The following EYA2 variants were observed in gnomAD, a reference collection of about 807,000 sequenced individuals.
The protein encoded by EYA2 is EYA transcriptional coactivator and phosphatase 2.
A neutral mutation model predicts 69.2 loss-of-function variants in EYA2; 31 were observed. The ratio of observed to expected loss-of-function variants is 0.45; its 90% CI spans 0.34 to 0.60. The LOEUF is 0.60. EYA2 is among the 20% of genes least tolerant of loss of function. EYA2 has a pLI of 0.02. For missense variants in EYA2, 622 were observed against 701.2 expected (o/e 0.89, Z 1.28); for synonymous variants, 257 against 279.4 (o/e 0.92, Z 0.80).
intron 1 of EYA2, among the ~76,000 whole-genome samples, chr20:46,957,152 T>C (rs988618730): frequency 1.5e-4 from 23 of 152,244 alleles, no homozygotes; most frequent in Non-Finnish European, 5.9e-5. Flanking sequence ...ACCTCTGCTA[T>C]TGCAAGCTTG....
intron 9 of EYA2, among the ~76,000 whole-genome samples, chr20:47,132,625 G>C (rs1473990095): frequency 6.6e-6 from 1 of 152,128 alleles, no homozygotes; most frequent in Non-Finnish European, 1.5e-5. Flanking sequence ...TTTGAACCTG[G>C]GTCCTGCCAA....
chr20:47,170,249 ACT>A (rs2034291194), intron 11 of EYA2, among the ~76,000 whole-genome samples: 2 of 152,136 alleles, frequency 1.3e-5, no homozygotes, highest in South Asian at 4.1e-4. Context: ...TACAGCCAAT[ACT>A]TAAGAAACAC....
At chr20:46,896,430 AAG>A (rs1200635876) in intron 1 of EYA2, among the ~76,000 whole-genome samples, 2 of 152,114 alleles carry the variant, frequency 1.3e-5, no homozygotes, top group East Asian at 3.8e-4. Flanking sequence ...TACACAAAGA[AAG>A]AGTGGGAGGA....
intron 10 of EYA2, among the ~76,000 whole-genome samples, chr20:47,159,105 C>T (rs1168397234): frequency 6.6e-6 from 1 of 151,958 alleles, no homozygotes; most frequent in African/African-American, 2.4e-5. Flanking sequence ...AGATACTACA[C>T]CCATAGTGTG....
At chr20:46,943,088 A>G (rs1234246844) in intron 1 of EYA2, among the ~76,000 whole-genome samples, 1 of 152,198 alleles carries the variant, frequency 6.6e-6, no homozygotes, top group Non-Finnish European at 1.5e-5. Context: ...TAATCGGTGC[A>G]GAGCAGTGAT....
At chr20:47,057,986 G>A (rs1474943887) in intron 5 of EYA2, among the ~76,000 whole-genome samples, 1 of 152,230 alleles carries the variant, frequency 6.6e-6, no homozygotes, top group African/African-American at 2.4e-5. Context: ...TAAGCGATGA[G>A]GAAGATAGTA....
intron 9 of EYA2, among the ~76,000 whole-genome samples, chr20:47,100,026 T>C (rs2032380033): frequency 1.4e-5 from 2 of 147,978 alleles, no homozygotes; most frequent in African/African-American, 5.3e-5. Context: ...TGGTTTGGTT[T>C]GGTTTGGTTT....
chr20:47,098,480 G>GCAA (rs1355263119), intron 9 of EYA2, among the ~76,000 whole-genome samples: 2 of 152,232 alleles, frequency 1.3e-5, no homozygotes, highest in Non-Finnish European at 2.9e-5. Context: ...ATAGCTCCGT[G>GCAA]CAACAACTCA....
chr20:47,013,018 C>T (rs1378258503), intron 4 of EYA2, among the ~76,000 whole-genome samples: 4 of 152,216 alleles, frequency 2.6e-5, no homozygotes, highest in Non-Finnish European at 5.9e-5. Context: ...TTCTCTTTCT[C>T]ATGGATTAGA....
At chr20:47,179,106 A>G (rs935774240) in intron 12 of EYA2, among the ~76,000 whole-genome samples, 3 of 151,800 alleles carry the variant, frequency 2.0e-5, no homozygotes, top group Non-Finnish European at 4.4e-5. Flanking sequence ...CCATAACAAT[A>G]TAAGCTCTAT....
chr20:47,186,186 T>C (rs2034636063), intron 15 of EYA2, among the ~76,000 whole-genome samples: 1 of 152,166 alleles, frequency 6.6e-6, no homozygotes, highest in African/African-American at 2.4e-5. Context: ...TGTGGGTTTA[T>C]CTGAGCCTCC....
intron 1 of EYA2, among the ~76,000 whole-genome samples, chr20:46,941,981 T>A (rs753285602): frequency 1.3e-5 from 2 of 152,226 alleles, no homozygotes; most frequent in East Asian, 3.9e-4. Context: ...GGTCTCAAAC[T>A]CCTGGGTTCA....
intron 10 of EYA2, among the ~76,000 whole-genome samples, chr20:47,160,164 GGGAGGATAGGGGCTA>G (rs1234599769): frequency 1.3e-5 from 2 of 152,174 alleles, no homozygotes; most frequent in Non-Finnish European, 2.9e-5. Context: ...AGACTAGGCT[GGGAGGATAGGGGCTA>G]GATAAGGATA....
rs142452449 is a variant in EYA2, at chr20:47,067,078, C to T, written c.416-5107C>T. Among the ~76,000 whole-genome samples, 545 of 152,280 alleles carry T rather than the reference C, an allele frequency of 3.6e-3. 6 individuals are homozygous for T. Among genetic ancestry groups the T allele is most frequent in the African/African-American group, 0.012 (508 of 41,566 alleles). ...GTTTGTTCAGCTGTCCATTCTTCAGCTGACCCTGGGTCACAAAATGAAAAT... is the reference window on the plus strand; with the variant it reads ...GTTTGTTCAGCTGTCCATTCTTCAGTTGACCCTGGGTCACAAAATGAAAAT... On this transcript the variant is annotated intron_variant, in intron 5 of 15. Coordinates refer to ENST00000327619, the MANE Select transcript of EYA2 (RefSeq NM_005244.5).
At chr20:46,932,132 C>G (rs569069763) in intron 1 of EYA2, among the ~76,000 whole-genome samples, 62 of 151,850 alleles carry the variant, frequency 4.1e-4, no homozygotes, top group Middle Eastern at 3.4e-3. Context: ...ACCTACCTCG[C>G]CCCCCGCCTA....
chr20:46,937,921 T>C (rs962179193), intron 1 of EYA2, among the ~76,000 whole-genome samples: 9 of 152,162 alleles, frequency 5.9e-5, no homozygotes, highest in Non-Finnish European at 8.8e-5. Context: ...ATATTAAAGG[T>C]GTATCCTATG....
chr20:47,186,496 A>G (rs1289472827), intron 15 of EYA2, among the ~76,000 whole-genome samples: 1 of 151,370 alleles, frequency 6.6e-6, no homozygotes, highest in African/African-American at 2.4e-5. Flanking sequence ...AGTAGCTGGG[A>G]TTACAGGTGG....
chr20:47,000,533 A>G (rs1171706155), intron 2 of EYA2, among the ~76,000 whole-genome samples: 1 of 152,206 alleles, frequency 6.6e-6, no homozygotes, highest in Non-Finnish European at 1.5e-5. Flanking sequence ...CAGTAGACAC[A>G]TTATCTAGAA....
chr20:47,170,660 AAAG>A (rs2034300355), intron 11 of EYA2, among the ~76,000 whole-genome samples: 1 of 152,136 alleles, frequency 6.6e-6, no homozygotes, highest in Admixed American at 6.5e-5. Flanking sequence ...AAAAAAAAAA[AAAG>A]AGAGACAGCT....
Sources: allele counts gnomAD v4.1 joint callset (sites outside exome capture counted in the v4.1 genomes callset), GRCh38; gene constraint gnomAD v4.1.1; transcripts MANE v1.5; gene names NCBI Gene and HGNC (gene_info 2026-07-23, HGNC 2026-07-21).